Variants in STMN3 observed in about 807,000 individuals in gnomAD.
The protein encoded by STMN3 is stathmin 3, also known as stathmin-3.
STMN3 carries 24 observed loss-of-function variants against 23.2 expected under a neutral mutation model. The observed-to-expected ratio is 1.03, with a 90% CI of 0.75 to 1.45. STMN3 has a LOEUF of 1.45. Among genes scored for constraint, STMN3 ranks in the 40% most tolerant of loss-of-function variants. The pLI is 0.00. For synonymous variants in STMN3, 117 were observed against 103.4 expected, an observed-to-expected ratio of 1.13 and a Z score of -0.80; for missense variants, 235 against 237.6, an observed-to-expected ratio of 0.99 and a Z score of 0.07.
In STMN3 at chr20:63,643,841, G is replaced by C. The variant is rs148522459; in HGVS notation, c.206C>G (p.Pro69Arg). 2.3e-5 allele frequency: 37 copies of C among 1,575,644 alleles called. No homozygotes were observed. Among genetic ancestry groups the C allele is most frequent in the Non-Finnish European group, 3.1e-5 (36 of 1,169,816 alleles). The change falls in exon 3 of 5, where the codon CCT becomes CGT. Residue 69 changes from proline (P) to arginine (R), a missense_variant. Coordinates refer to ENST00000370053, the MANE Select transcript of STMN3 (RefSeq NM_015894.4). ...CTTCTTGGGTGGGGAGGAGAGCATA[G>C]GGCTCTCTGGGGACAGGTCAGAAGG... The part of the protein sequence containing the change: ...KSPSDLSPES[P>R]MLSSPPKKKD...
intron 1 of STMN3, among the ~76,000 whole-genome samples, chr20:63,647,406 G>A (rs2089817488): frequency 1.3e-5 from 2 of 150,600 alleles, no homozygotes; most frequent in Non-Finnish European, 2.9e-5. Flanking sequence ...CATGAGGTCA[G>A]GAGTTCGAGA....
chr20:63,641,279 A>C lies in STMN3; in HGVS notation c.*59T>G. 6.6e-7 allele frequency: 1 copy of C among 1,516,982 alleles called. No individual in the cohort carries two copies. Among genetic ancestry groups the C allele is most frequent in the South Asian group, 1.2e-5 (1 of 83,394 alleles). The allele number at this position is 1,516,982 out of a possible 1,614,324, so 94.0% of individuals were successfully genotyped here. A position where few individuals can be genotyped will look rare whatever the true frequency, so the allele number is the denominator to read the frequency against. The stretch of plus-strand genomic sequence containing the variant: ...GTTGCATCTAGACAGAGGTGAACGA[A>C]ACAAAACCAAAACCCGAACGTGTTC... On this transcript the variant is annotated 3_prime_UTR_variant, in exon 5 of 5. Coordinates refer to ENST00000370053, the MANE Select transcript of STMN3 (RefSeq NM_015894.4).
At chr20:63,643,499 T>C (rs2089784463) in intron 3 of STMN3, among the ~76,000 whole-genome samples, 1 of 152,182 alleles carries the variant, frequency 6.6e-6, no homozygotes, top group Non-Finnish European at 1.5e-5. Context: ...CAGGCTGATC[T>C]TGAACTTCCA....
At chr20:63,647,663 A>ACACGTG (rs2089820003) in intron 1 of STMN3, among the ~76,000 whole-genome samples, 2 of 125,392 alleles carry the variant, frequency 1.6e-5, no homozygotes, top group African/African-American at 5.9e-5. Context: ...TATATATATA[A>ACACGTG]TATATATATA....
Position 63,652,881 on chromosome 20 carries a change from G to A in STMN3, c.19+446C>T. ...CTGGCGCGGGGAGCGCCGGGTTCCCGGCTGGGGCTTTGGCAGAGGGTCCCA... is the reference window on the plus strand; with the variant it reads ...CTGGCGCGGGGAGCGCCGGGTTCCCAGCTGGGGCTTTGGCAGAGGGTCCCA... On this transcript the variant is annotated intron_variant, in intron 1 of 4. Coordinates refer to ENST00000370053, the MANE Select transcript of STMN3 (RefSeq NM_015894.4). The surrounding 1 kb of genome is among the most constrained non-coding windows in gnomAD (Gnocchi z 5.3). The A allele has an allele frequency of 3.7e-6, 3 of 805,152 alleles. No homozygotes were observed. The highest frequency in any genetic ancestry group is 4.5e-6 in the Non-Finnish European group (3 of 665,492). 49.9% of individuals were successfully genotyped at this position (805,152 alleles called of 1,614,324 possible).
intron 2 of STMN3, 95 bp downstream of exon 2, chr20:63,644,119 C>A: frequency 7.3e-7 from 1 of 1,366,492 alleles, no homozygotes; most frequent in Admixed American, 1.9e-5. Flanking sequence ...CCAGAGGCAG[C>A]CAGGACGGGA....
chr20:63,646,375 G>A (rs1030429159), intron 1 of STMN3, among the ~76,000 whole-genome samples: 1 of 152,010 alleles, frequency 6.6e-6, no homozygotes, highest in East Asian at 1.9e-4. Flanking sequence ...TTCTTTTTGA[G>A]ATGGAGTCTT....
intron 1 of STMN3, among the ~76,000 whole-genome samples, chr20:63,647,530 C>T (rs1301563276): frequency 6.6e-6 from 1 of 150,428 alleles, no homozygotes; most frequent in African/African-American, 2.4e-5. Context: ...ACGGGAGAAT[C>T]GCTTGAACCC....
chr20:63,647,746 TATATATATA>T lies in STMN3; in HGVS notation c.20-3446_20-3438del, dbSNP rs1400427618. 4.3e-5 allele frequency among the ~76,000 whole-genome samples: 5 copies of T among 116,000 alleles called. No homozygotes were observed. The East Asian group carries it at 1.0e-3, about 24-fold the overall frequency. 76.1% of individuals were successfully genotyped at this position (116,000 alleles called of 152,430 possible). A position where few individuals can be genotyped will look rare whatever the true frequency, so the allele number is the denominator to read the frequency against. On this transcript the variant is annotated intron_variant, in intron 1 of 4. Transcript: ENST00000370053. ...TATTATATACATATATATACACGTG[TATATATATA>T]ATATATATACATATATACACGTGTA...
chr20:63,650,964 T>C (rs570409816), intron 1 of STMN3, among the ~76,000 whole-genome samples: 80 of 144,686 alleles, frequency 5.5e-4, no homozygotes, highest in Non-Finnish European at 1.1e-3. Flanking sequence ...CTTTCTTCTT[T>C]TTTTTTTTTT....
chr20:63,647,960 G>GTGTATATATATA (rs1424237875), intron 1 of STMN3, among the ~76,000 whole-genome samples: 1 of 53,358 alleles, frequency 1.9e-5, no homozygotes, highest in Non-Finnish European at 3.3e-5. Context: ...ATATATATAT[G>GTGTATATATATA]TATATATATA....
intron 1 of STMN3, among the ~76,000 whole-genome samples, chr20:63,647,620 A>C (rs1487352150): frequency 6.9e-6 from 1 of 143,978 alleles, no homozygotes; most frequent in African/African-American, 2.6e-5. Flanking sequence ...TGTCTCAAAA[A>C]CAAACACAAA....
intron 3 of STMN3, 94 bp from the exon 4 acceptor site, chr20:63,642,393 C>T: frequency 3.2e-6 from 3 of 945,914 alleles, no homozygotes; most frequent in Non-Finnish European, 4.2e-6. Flanking sequence ...AGCGCCCGCT[C>T]GCCTCACCTG....
At position 63,641,209 on chromosome 20, in the gene STMN3, G is replaced by C. The variant is rs1302568036; in HGVS notation, c.*129C>G. On this transcript the variant is annotated 3_prime_UTR_variant, in exon 5 of 5. Transcript: ENST00000370053. Reference sequence around the variant, plus strand: ...CAGGGCAGGGCGGCTGAGTGCGGAAGAGAAGCATGAAGCTGGGGGCGGGGG... The same window carrying C: ...CAGGGCAGGGCGGCTGAGTGCGGAACAGAAGCATGAAGCTGGGGGCGGGGG... The C allele has an allele frequency of 2.4e-6, 2 of 821,444 alleles. No homozygotes were observed. Among genetic ancestry groups the C allele is most frequent in the South Asian group, 1.4e-5 (1 of 69,114 alleles). 50.9% of individuals were successfully genotyped at this position (821,444 alleles called of 1,614,324 possible). A position where few individuals can be genotyped will look rare whatever the true frequency, so the allele number is the denominator to read the frequency against.
Position 63,641,123 on chromosome 20 carries a change from C to A in STMN3, c.*215G>T. ...CCGGCCTGGTGTCTGCACCGAGGGA[C>A]CGCGTCTCACGCCCGGCGGCTCCTG... On this transcript the variant is annotated 3_prime_UTR_variant, in exon 5 of 5. Coordinates refer to ENST00000370053, the MANE Select transcript of STMN3 (RefSeq NM_015894.4). 1.6e-6 allele frequency: 1 copy of A among 625,712 alleles called. No individual in the cohort carries two copies. Among genetic ancestry groups the A allele is most frequent in the East Asian group, 2.8e-5 (1 of 35,542 alleles). 38.8% of individuals were successfully genotyped at this position (625,712 alleles called of 1,614,324 possible). A position where few individuals can be genotyped will look rare whatever the true frequency, so the allele number is the denominator to read the frequency against.
chr20:63,644,373 C>T, intron 1 of STMN3, 64 bp from the exon 2 acceptor site: 2 of 1,293,042 alleles, frequency 1.5e-6, no homozygotes, highest in East Asian at 2.4e-5. Flanking sequence ...CCCCCGTTTT[C>T]CCTCCCCATG....
intron 4 of STMN3, 43 bp from the exon 5 acceptor site, chr20:63,641,440 TG>T (rs2089761410): frequency 6.6e-7 from 1 of 1,509,528 alleles, no homozygotes. Flanking sequence ...GGGGGTGGCT[TG>T]GGGCGACTCC....
chr20:63,653,247 G>A (rs1348827748), intron 1 of STMN3, 80 bp downstream of exon 1: 11 of 1,503,050 alleles, frequency 7.3e-6, no homozygotes, highest in Non-Finnish European at 9.9e-6. Context: ...GTCCGCTGCC[G>A]GCCGCTGCCC....
At chr20:63,646,811 T>C (rs1393812749) in intron 1 of STMN3, among the ~76,000 whole-genome samples, 1 of 151,230 alleles carries the variant, frequency 6.6e-6, no homozygotes, top group East Asian at 2.0e-4. Flanking sequence ...AGTTTTCTTT[T>C]TTTTTTTATC....
Sources: gnomAD v4.1 joint callset for allele counts (sites outside exome capture counted in the v4.1 genomes callset) on GRCh38, gnomAD v4.1.1 for gene constraint, Gnocchi (gnomAD v3.1) non-coding constraint, MANE v1.5 for transcripts, NCBI Gene and HGNC (gene_info 2026-07-23, HGNC 2026-07-21) for gene names.